Variants in ABCA4 observed in about 807,000 individuals in gnomAD.
ABCA4 encodes the protein ATP binding cassette subfamily A member 4.
A neutral mutation model predicts 263.7 loss-of-function variants in ABCA4; 196 were observed. The ratio of observed to expected loss-of-function variants is 0.74; its 90% CI spans 0.66 to 0.84. ABCA4 has a LOEUF of 0.84. Among genes scored for constraint, ABCA4 ranks in the 40% least tolerant of loss-of-function variants. The pLI is 0.00. For missense variants in ABCA4, 2,792 were observed against 2,855.1 expected, an observed-to-expected ratio of 0.98 and a Z score of 0.50; for synonymous variants, 1,133 against 1,094.2, an observed-to-expected ratio of 1.04 and a Z score of -0.70.
intron 30 of ABCA4, among the ~76,000 whole-genome samples, chr1:94,026,805 G>A (rs1660050535): frequency 6.6e-6 from 1 of 152,172 alleles, no homozygotes; most frequent in African/African-American, 2.4e-5. Flanking sequence ...TTTCCCAGAT[G>A]AGAACAACTG....
intron 11 of ABCA4, among the ~76,000 whole-genome samples, chr1:94,065,038 T>G (rs1661229024): frequency 6.6e-6 from 1 of 152,178 alleles, no homozygotes; most frequent in Admixed American, 6.5e-5. Flanking sequence ...ATCCTCATTT[T>G]ACTGAAGAGG....
Position 94,079,322 on chromosome 1 carries a change from A to C in ABCA4, c.1239T>G (p.Asn413Lys). ...AAGGCAAGCCCAGCTGGGATCTTACATTCTTCAGTATCCTTCGTGCTGCAG... is the reference window on the plus strand; with the variant it reads ...AAGGCAAGCCCAGCTGGGATCTTACCTTCTTCAGTATCCTTCGTGCTGCAG... ...DSPAARRILK[N>K]ANSTFEELEH... is the part of the protein sequence containing the mutation. The change falls in exon 9 of 50, where the codon AAT becomes AAG. Residue 413 changes from asparagine to lysine, a missense_variant and splice_region_variant. Asn to Lys is a moderately conservative substitution (Grantham distance 94, BLOSUM62 0). Coordinates refer to ENST00000370225, the MANE Select transcript of ABCA4 (RefSeq NM_000350.3). 6.2e-7 allele frequency: 1 copy of C among 1,614,156 alleles called. No individual in the cohort carries two copies. Among genetic ancestry groups the C allele is most frequent in the Non-Finnish European group, 8.5e-7 (1 of 1,180,026 alleles).
chr1:94,030,353 C>T, intron 29 of ABCA4, 75 bp downstream of exon 29: 1 of 1,352,120 alleles, frequency 7.4e-7, no homozygotes, highest in Non-Finnish European at 1.1e-6. Context: ...TCCCCAACGC[C>T]TGCCATCTTG....
intron 31 of ABCA4, 103 bp from the exon 32 acceptor site, chr1:94,023,521 A>G (rs1361097730): frequency 1.9e-6 from 2 of 1,074,936 alleles, no homozygotes; most frequent in East Asian, 2.5e-5. Context: ...CTCAGTCTTC[A>G]GGGGCATTTT....
intron 30 of ABCA4, among the ~76,000 whole-genome samples, chr1:94,028,307 C>A (rs1199728440): frequency 6.6e-6 from 1 of 152,174 alleles, no homozygotes; most frequent in Non-Finnish European, 1.5e-5. Flanking sequence ...CGGACACAGC[C>A]TTCTTTGATG....
In ABCA4 at chr1:94,077,672, G is replaced by T. The variant is rs769189171; in HGVS notation, c.1554+18C>A. ...GGCTATCTTCAAGGGGCCCACTGTG[G>T]GGCTTGCAGCCCCTTACCTCCAGGT... On this transcript the variant is annotated intron_variant, in intron 11 of 49. Coordinates refer to ENST00000370225, the MANE Select transcript of ABCA4 (RefSeq NM_000350.3). 6 of 1,599,276 alleles carry T rather than the reference G, an allele frequency of 3.8e-6. No homozygotes were observed. Among genetic ancestry groups the T allele is most frequent in the Non-Finnish European group, 4.3e-6 (5 of 1,172,266 alleles).
Position 94,111,578 on chromosome 1 carries a change from G to A in ABCA4, c.162C>T (p.Cys54=), listed in dbSNP as rs2101162940. Residue 54 remains cysteine (C), a splice_region_variant and synonymous_variant, in exon 3 of 50, where the codon TGC becomes TGT. Coordinates refer to ENST00000370225, the MANE Select transcript of ABCA4 (RefSeq NM_000350.3). ...AGGGCATCGCCTTGTTGGGGAAATG[G>A]CCTTTAAAACAGAAAATGAGGACAA... ...NANPLYSHHE[C]HFPNKAMPSA... 6.2e-7 allele frequency: 1 copy of A among 1,614,186 alleles called. No individual in the cohort carries two copies. Among genetic ancestry groups the A allele is most frequent in the East Asian group, 2.2e-5 (1 of 44,876 alleles).
At position 94,010,841 on chromosome 1, in the gene ABCA4, G is replaced by A. The variant is rs1193648471; in HGVS notation, c.5673C>T (p.Leu1891=). 6.2e-7 allele frequency: 1 copy of A among 1,613,998 alleles called. No homozygotes were observed. Among genetic ancestry groups the A allele is most frequent in the African/African-American group, 1.3e-5 (1 of 74,902 alleles). ...AMVVEGVVYF[L]LTLLVQRHFF... ...AGTGGCGCTGGACCAGCAGGGTCAG[G>A]AGGAAGTACACCACCCCTTCCACCA... Residue 1891 remains leucine (L), a synonymous_variant, in exon 40 of 50, where the codon CTC becomes CTT. Transcript: ENST00000370225.
intron 16 of ABCA4, among the ~76,000 whole-genome samples, chr1:94,053,970 A>G (rs1310370794): frequency 6.6e-6 from 1 of 152,196 alleles, no homozygotes; most frequent in African/African-American, 2.4e-5. Flanking sequence ...GACCAGCCTC[A>G]CCATCCCCTG....
chr1:94,058,211 A>G (rs983540214), intron 14 of ABCA4, among the ~76,000 whole-genome samples: 2 of 152,194 alleles, frequency 1.3e-5, no homozygotes, highest in Non-Finnish European at 2.9e-5. Flanking sequence ...AATCTAAATA[A>G]AAGTCTAAAT....
In ABCA4 at chr1:94,032,021, T is replaced by G. The variant is rs1660220215; in HGVS notation, c.3885A>C (p.Glu1295Asp). ...AGCAGGGGTGTCGGGGGTTGACGTT[T>G]TCTCTTTTCTGCTGAGCGCCACCTG... ...LFAGGAQQKR[E>D]NVNPRHPCLG... Residue 1295 changes from glutamate (E) to aspartate (D), a missense_variant, in exon 27 of 50, where the codon GAA (glutamate) becomes GAC (aspartate). Physicochemically the swap from Glu to Asp is conservative, Grantham distance 45 (BLOSUM62 2). Coordinates refer to ENST00000370225, the MANE Select transcript of ABCA4 (RefSeq NM_000350.3). 6.2e-7 allele frequency: 1 copy of G among 1,612,766 alleles called. No homozygotes were observed. The highest frequency in any genetic ancestry group is 8.5e-7 in the Non-Finnish European group (1 of 1,180,032).
intron 36 of ABCA4, among the ~76,000 whole-genome samples, chr1:94,016,063 A>G (rs1302569839): frequency 6.6e-6 from 1 of 152,120 alleles, no homozygotes; most frequent in Non-Finnish European, 1.5e-5. Flanking sequence ...CTGCCAAGGG[A>G]ACCTTTAGTT....
intron 11 of ABCA4, among the ~76,000 whole-genome samples, chr1:94,066,571 G>A (rs910673631): frequency 6.6e-6 from 1 of 152,248 alleles, no homozygotes; most frequent in African/African-American, 2.4e-5. Flanking sequence ...AGCCCTAGAG[G>A]GCTTGTGGTC....
Position 94,024,971 on chromosome 1 carries a change from A to C in ABCA4, c.4617T>G (p.Pro1539=), listed in dbSNP as rs1414854784. The change falls in exon 31 of 50, where the codon CCT becomes CCG. Residue 1539 remains proline (P), a synonymous_variant. Transcript: ENST00000370225. ...NISDFLVKTY[P]ALIRSSLKSK... ...CTTCTTACCTGCTTCTTATAAGAGC[A>C]GGATACGTTTTTACCAAGAAGTCGG... 1.9e-6 allele frequency: 3 copies of C among 1,614,020 alleles called. No individual in the cohort carries two copies. The highest frequency in any genetic ancestry group is 2.5e-6 in the Non-Finnish European group (3 of 1,179,944).
In ABCA4 at chr1:94,044,753, C is replaced by T. The variant is rs1467407514; in HGVS notation, c.2919-9G>A. On this transcript the variant is annotated splice_polypyrimidine_tract_variant and intron_variant, in intron 19 of 49. Coordinates refer to ENST00000370225, the MANE Select transcript of ABCA4 (RefSeq NM_000350.3). ...GACCCGTCAGGATGGACCTGCAGAA[C>T]ACAGGCGTCAGTGGCAGAAGAGATG... is the stretch of plus-strand genomic sequence containing the variant. 1.4e-5 allele frequency: 22 copies of T among 1,614,096 alleles called. No homozygotes were observed. The East Asian group carries it at 4.9e-4, about 36-fold the overall frequency.
At chr1:94,039,363 C>A (rs570501179) in intron 24 of ABCA4, among the ~76,000 whole-genome samples, 1 of 152,290 alleles carries the variant, frequency 6.6e-6, no homozygotes, top group Non-Finnish European at 1.5e-5. Flanking sequence ...AAAAATATGC[C>A]TTTTCTTTGA....
In ABCA4 at chr1:94,032,156, A is replaced by G. The variant is rs536855156; in HGVS notation, c.3863-113T>C. 4.7e-6 allele frequency: 6 copies of G among 1,270,894 alleles called. No individual in the cohort carries two copies. In the East Asian group the frequency reaches 1.4e-4, roughly 29 times the overall value. The allele number at this position is 1,270,894 out of a possible 1,614,324, so 78.7% of individuals were successfully genotyped here. A position where few individuals can be genotyped will look rare whatever the true frequency, so the allele number is the denominator to read the frequency against. The stretch of plus-strand genomic sequence containing the variant: ...ATTTTCCTCTTCATTTAAGTCAGCA[A>G]TGAAATACCAGGCTGGTAGCTTAAT... On this transcript the variant is annotated intron_variant, in intron 26 of 49. Transcript: ENST00000370225.
chr1:94,119,153 T>C (rs1006029803), intron 1 of ABCA4, among the ~76,000 whole-genome samples: 2 of 152,214 alleles, frequency 1.3e-5, no homozygotes, highest in African/African-American at 4.8e-5. Flanking sequence ...AATGAATACA[T>C]GAAAAAATTT....
chr1:94,007,823 G>T, intron 42 of ABCA4, 83 bp from the exon 43 acceptor site: 1 of 1,311,808 alleles, frequency 7.6e-7, no homozygotes, highest in Non-Finnish European at 1.1e-6. Context: ...GTGTGTGTGA[G>T]CTGGGGGAGG....
Sources: gnomAD v4.1 joint callset for allele counts (sites outside exome capture counted in the v4.1 genomes callset) on GRCh38, gnomAD v4.1.1 for gene constraint, MANE v1.5 for transcripts, NCBI Gene and HGNC (gene_info 2026-07-23, HGNC 2026-07-21) for gene names.